NHP2: variants seen among roughly 807,000 people sequenced by gnomAD.
NHP2 encodes the protein H/ACA ribonucleoprotein complex subunit 2.
Under a neutral mutation model 16.7 loss-of-function variants are expected in NHP2, and 10 were observed. The ratio of observed to expected loss-of-function variants is 0.60; its 90% CI spans 0.37 to 1.01. The LOEUF is 1.01. Among genes scored for constraint, NHP2 ranks in the 50% least tolerant of loss-of-function variants. The pLI is 0.01. For synonymous variants in NHP2, 87 were observed against 78.9 expected, an observed-to-expected ratio of 1.10 and a Z score of -0.54; for missense variants, 184 against 198.3, an observed-to-expected ratio of 0.93 and a Z score of 0.43.
intron 2 of NHP2, among the ~76,000 whole-genome samples, chr5:178,151,961 C>T (rs1756289153): frequency 6.6e-6 from 1 of 152,096 alleles, no homozygotes; most frequent in African/African-American, 2.4e-5. Context: ...TGGTCCCCCT[C>T]CACTGTTCAC....
At chr5:178,152,709 G>T (rs1417918682) in intron 2 of NHP2, among the ~76,000 whole-genome samples, 2 of 152,246 alleles carry the variant, frequency 1.3e-5, no homozygotes, top group African/African-American at 4.8e-5. Flanking sequence ...ATCACAACGT[G>T]TAATTAGTTG....
intron 2 of NHP2, 139 bp from the exon 3 acceptor site, chr5:178,151,132 T>C (rs1756268520): frequency 1.3e-6 from 1 of 761,628 alleles, no homozygotes; most frequent in African/African-American, 1.7e-5. Context: ...TCTCTACCTC[T>C]TGGCAACATA....
Position 178,149,779 on chromosome 5 carries a change from A to G in NHP2, c.396T>C (p.His132=), listed in dbSNP as rs769763413. The part of the protein sequence containing the change: ...RPTCVIMVKP[H]EEYQEAYDEC... ...CATCGTAAGCCTCCTGGTACTCCTC[A>G]TGGGGCTTGACCATTATCACACAGG... Residue 132 remains histidine (H), a synonymous_variant, in exon 4 of 4, where the codon CAT becomes CAC. Transcript: ENST00000274606. 1.9e-6 allele frequency: 3 copies of G among 1,614,012 alleles called. No homozygotes were observed. Among genetic ancestry groups the G allele is most frequent in the Non-Finnish European group, 2.5e-6 (3 of 1,179,946 alleles).
intron 2 of NHP2, among the ~76,000 whole-genome samples, chr5:178,152,400 T>C (rs554387267): frequency 7.4e-4 from 112 of 150,644 alleles, no homozygotes; most frequent in Non-Finnish European, 1.4e-3. Context: ...CCCTGTGTCT[T>C]AAGACCTCAG....
chr5:178,150,427 G>A (rs533145196), intron 3 of NHP2: 57 of 335,648 alleles, frequency 1.7e-4, no homozygotes, highest in African/African-American at 9.0e-4. Context: ...CATGCAGTCT[G>A]GAGTGTGGTG....
At chr5:178,150,580 A>T (rs1054241621) in intron 3 of NHP2, 10 of 485,998 alleles carry the variant, frequency 2.1e-5, no homozygotes, top group African/African-American at 2.0e-4. Flanking sequence ...ATGGAGTCTC[A>T]CTTTGTTGCG....
At chr5:178,152,789 A>G (rs1361681131) in intron 2 of NHP2, among the ~76,000 whole-genome samples, 2 of 152,204 alleles carry the variant, frequency 1.3e-5, no homozygotes, top group African/African-American at 4.8e-5. Flanking sequence ...AAAAGAGTAC[A>G]TTCAATTGTT....
chr5:178,151,193 G>A (rs1756269783), intron 2 of NHP2, among the ~76,000 whole-genome samples, 200 bp from the exon 3 acceptor site: 1 of 152,214 alleles, frequency 6.6e-6, no homozygotes, highest in South Asian at 2.1e-4. Flanking sequence ...TACAGGATGG[G>A]TGCCAAGGTG....
intron 2 of NHP2, among the ~76,000 whole-genome samples, chr5:178,152,949 G>A (rs769829719): frequency 7.2e-5 from 11 of 152,198 alleles, no homozygotes; most frequent in Non-Finnish European, 1.3e-4. Context: ...ACAACAGCCA[G>A]GCGTGGCGCA....
Position 178,153,877 on chromosome 5 carries a change from G to A in NHP2, c.-60C>T. The A allele has an allele frequency of 1.5e-5, 23 of 1,547,772 alleles. No homozygotes were observed. The highest frequency in any genetic ancestry group is 2.0e-5 in the Non-Finnish European group (23 of 1,141,154). On this transcript the variant is annotated 5_prime_UTR_variant, in exon 1 of 4. Transcript: ENST00000274606. ...GAGCCCACGCGGTCCACAGCTTTAGGCATCACTTCCAGGTCATCAGCTGCG... is the reference window on the plus strand; with the variant it reads ...GAGCCCACGCGGTCCACAGCTTTAGACATCACTTCCAGGTCATCAGCTGCG...
At chr5:178,153,361 T>G in intron 2 of NHP2, 130 bp downstream of exon 2, 1 of 880,264 alleles carries the variant, frequency 1.1e-6, no homozygotes, top group African/African-American at 1.6e-5. Flanking sequence ...AAAGGGACTT[T>G]ACCGACTGCT....
intron 2 of NHP2, among the ~76,000 whole-genome samples, chr5:178,151,217 C>G (rs1162484113): frequency 2.0e-5 from 3 of 152,168 alleles, no homozygotes; most frequent in Non-Finnish European, 4.4e-5. Flanking sequence ...GAGCTCAGCT[C>G]TCTTTGGAGA....
chr5:178,150,323 G>A (rs1010844430), intron 3 of NHP2: 89 of 230,860 alleles, frequency 3.9e-4, no homozygotes, highest in African/African-American at 2.0e-3. Context: ...TTCAGAACAG[G>A]GCCTCCTGCT....
intron 2 of NHP2, 178 bp downstream of exon 2, chr5:178,153,313 T>A (rs1334474719): frequency 1.4e-6 from 1 of 704,996 alleles, no homozygotes; most frequent in East Asian, 2.7e-5. Context: ...TGAGCTGGTA[T>A]ACGTGGTGTA....
chr5:178,151,035 CCTT>C, intron 2 of NHP2, 42 bp from the exon 3 acceptor site: 1 of 1,550,102 alleles, frequency 6.5e-7, no homozygotes, highest in South Asian at 1.1e-5. Flanking sequence ...CTTGCTCCTT[CCTT>C]CTTTCAGTTT....
chr5:178,151,877 G>A (rs1035602600), intron 2 of NHP2, among the ~76,000 whole-genome samples: 3 of 151,966 alleles, frequency 2.0e-5, no homozygotes, highest in African/African-American at 7.3e-5. Context: ...TGTGGGGCGG[G>A]GTGGAAGTCA....
At chr5:178,150,831 C>T (rs1181806136) in intron 3 of NHP2, 57 bp downstream of exon 3, 1 of 1,124,484 alleles carries the variant, frequency 8.9e-7, no homozygotes, top group East Asian at 2.3e-5. Context: ...CCTGCTATGG[C>T]AGACTATCCC....
chr5:178,151,086 A>C, intron 2 of NHP2, 93 bp from the exon 3 acceptor site: 1 of 1,078,662 alleles, frequency 9.3e-7, no homozygotes, highest in Non-Finnish European at 1.4e-6. Context: ...GGATAGAGAC[A>C]AAATTGTGTT....
At position 178,153,647 on chromosome 5, in the gene NHP2, G is replaced by GTCCGCCTCACCTTTT; in HGVS notation, c.160+10_160+11insAAAAGGTGAGGCGGA. ...GCGCACCCATCCCGGCCACGCCGCC[G>GTCCGCCTCACCTTTT]TCCGCCTCACCTTTCTTGATGCATT... On this transcript the variant is annotated intron_variant, in intron 1 of 3. Transcript: ENST00000274606. 6.2e-7 allele frequency: 1 copy of GTCCGCCTCACCTTTT among 1,613,176 alleles called. No individual in the cohort carries two copies. The highest frequency in any genetic ancestry group is 8.5e-7 in the Non-Finnish European group (1 of 1,179,336).
Sources: gnomAD v4.1 joint callset for allele counts (sites outside exome capture counted in the v4.1 genomes callset) on GRCh38, gnomAD v4.1.1 for gene constraint, MANE v1.5 for transcripts, NCBI Gene and HGNC (gene_info 2026-07-23, HGNC 2026-07-21) for gene names.